RCL1: variants seen among roughly 807,000 people sequenced by gnomAD.
RCL1 encodes the protein RNA terminal phosphate cyclase like 1, also known as RNA 3'-terminal phosphate cyclase-like protein.
RCL1 carries 24 observed loss-of-function variants against 42.4 expected under a neutral mutation model. The observed-to-expected ratio is 0.57, with a 90% CI of 0.41 to 0.80. The LOEUF (loss-of-function observed/expected upper bound fraction) is 0.80, where lower values mean the gene tolerates loss of function less well. Ranked by LOEUF, RCL1 falls within the 30% of genes least tolerant of loss-of-function variation. The probability of loss-of-function intolerance (pLI) is 0.00; values close to 1 mark genes in which losing one functional copy is unlikely to be tolerated. For missense variants in RCL1, 578 were observed against 467.9 expected, an observed-to-expected ratio of 1.24 and a Z score of -2.17; for synonymous variants, 228 against 177.3, an observed-to-expected ratio of 1.29 and a Z score of -2.27.
chr9:4,833,589 T>C (rs1395003028), intron 4 of RCL1, among the ~76,000 whole-genome samples: 1 of 152,222 alleles, frequency 6.6e-6, no homozygotes, highest in Non-Finnish European at 1.5e-5. Flanking sequence ...CTGGATATAA[T>C]TTATGTTCAG....
intron 1 of RCL1, chr9:4,804,093 G>A (rs1270553783): frequency 6.6e-6 from 1 of 152,384 alleles, no homozygotes; most frequent in Non-Finnish European, 1.5e-5. Context: ...AGGGTGCCAC[G>A]AGCTCTTGGT....
intron 5 of RCL1, among the ~76,000 whole-genome samples, chr9:4,838,205 T>G (rs1817201525): frequency 6.6e-6 from 1 of 152,208 alleles, no homozygotes; most frequent in Admixed American, 6.5e-5. Flanking sequence ...CCCACTCTCT[T>G]GTGTGCATTT....
chr9:4,810,383 T>C (rs554934223), intron 1 of RCL1, among the ~76,000 whole-genome samples: 19 of 152,324 alleles, frequency 1.2e-4, no homozygotes, highest in Non-Finnish European at 2.4e-4. Context: ...TTTAACACCA[T>C]GGATTAGGTT....
intron 1 of RCL1, among the ~76,000 whole-genome samples, chr9:4,805,376 C>T (rs1368178752): frequency 1.4e-5 from 2 of 146,782 alleles, no homozygotes; most frequent in African/African-American, 2.5e-5. Context: ...GTCTTCCAGC[C>T]TGTCTCTAAA....
In RCL1 at chr9:4,827,755, TGCACGC is replaced by T. The variant is rs756082269; in HGVS notation, c.384+724_384+729del. On this transcript the variant is annotated intron_variant, in intron 3 of 8. Transcript: ENST00000381750. ...AAGTGTGTGTGTGTGTGTGTGTGTG[TGCACGC>T]GTGTGTGTGTGTGTGTGTGAGAGAG... Among the ~76,000 whole-genome samples the T allele has an allele frequency of 7.9e-4, 63 of 80,012 alleles. 1 individual carries two copies. The highest frequency in any genetic ancestry group is 6.0e-4 in the Admixed American group (4 of 6,644). The allele number at this position is 80,012 out of a possible 152,430, so 52.5% of individuals were successfully genotyped here. A position where few individuals can be genotyped will look rare whatever the true frequency, so the allele number is the denominator to read the frequency against.
At chr9:4,835,766 C>T (rs1192663238) in intron 5 of RCL1, among the ~76,000 whole-genome samples, 2 of 152,200 alleles carry the variant, frequency 1.3e-5, no homozygotes, top group Admixed American at 6.5e-5. Context: ...CCTTGGTTGC[C>T]CGTATATCTT....
intron 3 of RCL1, among the ~76,000 whole-genome samples, chr9:4,828,785 T>A (rs1457031469): frequency 4.6e-5 from 7 of 152,182 alleles, no homozygotes; most frequent in Non-Finnish European, 7.3e-5. Flanking sequence ...ATGCTAACAG[T>A]GACAAAAGAT....
At chr9:4,826,167 G>C (rs1220944143) in intron 2 of RCL1, among the ~76,000 whole-genome samples, 2 of 152,178 alleles carry the variant, frequency 1.3e-5, no homozygotes, top group Non-Finnish European at 2.9e-5. Flanking sequence ...AGGATTGCTT[G>C]GCTCTGGAGG....
intron 8 of RCL1, among the ~76,000 whole-genome samples, chr9:4,851,880 A>G (rs1817762017): frequency 1.9e-5 from 1 of 53,876 alleles, no homozygotes; most frequent in African/African-American, 7.7e-5. Flanking sequence ...TGTATGTGTG[A>G]AACTCTTTTT....
At chr9:4,811,117 A>C (rs1372894873) in intron 1 of RCL1, among the ~76,000 whole-genome samples, 6 of 152,130 alleles carry the variant, frequency 3.9e-5, no homozygotes, top group African/African-American at 1.4e-4. Flanking sequence ...ATCTCCACAA[A>C]AATAAAAATA....
At chr9:4,851,885 CTTTT>C (rs1214271046) in intron 8 of RCL1, among the ~76,000 whole-genome samples, 9 of 124,464 alleles carry the variant, frequency 7.2e-5, no homozygotes, top group African/African-American at 2.7e-4. Flanking sequence ...GTGTGAAACT[CTTTT>C]TTTTTTTTTG....
intron 1 of RCL1, among the ~76,000 whole-genome samples, chr9:4,817,019 G>A (rs866688996): frequency 2.0e-5 from 3 of 152,100 alleles, no homozygotes; most frequent in African/African-American, 4.8e-5. Flanking sequence ...GGGTTTCACC[G>A]TGTTAGCCAG....
chr9:4,821,312 C>T (rs1816589160), intron 1 of RCL1, among the ~76,000 whole-genome samples: 1 of 152,012 alleles, frequency 6.6e-6, no homozygotes, highest in Non-Finnish European at 1.5e-5. Flanking sequence ...GGGCTCAGAT[C>T]CTGGTTTTGC....
At chr9:4,807,948 G>C (rs1011896159) in intron 1 of RCL1, among the ~76,000 whole-genome samples, 5 of 152,014 alleles carry the variant, frequency 3.3e-5, no homozygotes, top group Admixed American at 1.3e-4. Context: ...TAAATTTATT[G>C]AGTTTTTTTT....
chr9:4,844,434 A>G, intron 6 of RCL1, 91 bp from the exon 7 acceptor site: 2 of 1,023,408 alleles, frequency 2.0e-6, no homozygotes, highest in Non-Finnish European at 2.9e-6. Flanking sequence ...AGTGCCGTCA[A>G]AAAAAATGTT....
intron 5 of RCL1, among the ~76,000 whole-genome samples, chr9:4,838,670 A>G (rs1298311479): frequency 2.0e-5 from 3 of 152,092 alleles, no homozygotes; most frequent in African/African-American, 2.4e-5. Context: ...GACTGTAGCT[A>G]TGGACTTGTA....
rs1019719119 is a variant in RCL1, at chr9:4,860,973, G to C, written c.*698G>C. ...TATTTTATTTTCACAATAGCTCTGT[G>C]ATGTAAGTGCTATCTCCATGAGAAA... On this transcript the variant is annotated 3_prime_UTR_variant, in exon 9 of 9. Coordinates refer to ENST00000381750, the MANE Select transcript of RCL1 (RefSeq NM_005772.5). 1 of 152,112 alleles carries C rather than the reference G, an allele frequency of 6.6e-6. No homozygotes were observed. The highest frequency in any genetic ancestry group is 2.4e-5 in the African/African-American group (1 of 41,420). 9.4% of individuals were successfully genotyped at this position (152,112 alleles called of 1,614,324 possible).
At chr9:4,824,185 T>G (rs538979741) in intron 2 of RCL1, among the ~76,000 whole-genome samples, 12 of 152,370 alleles carry the variant, frequency 7.9e-5, no homozygotes, top group Non-Finnish European at 1.5e-4. Flanking sequence ...GAATTCTATT[T>G]ATTTTAAATT....
At chr9:4,840,928 C>G (rs1817296079) in intron 5 of RCL1, among the ~76,000 whole-genome samples, 1 of 152,092 alleles carries the variant, frequency 6.6e-6, no homozygotes, top group African/African-American at 2.4e-5. Context: ...TGTCTTTACA[C>G]CTTCCAAAAT....
Sources: allele counts gnomAD v4.1 joint callset (sites outside exome capture counted in the v4.1 genomes callset), GRCh38; gene constraint gnomAD v4.1.1; transcripts MANE v1.5; gene names NCBI Gene and HGNC (gene_info 2026-07-23, HGNC 2026-07-21).